The following EXOC6B variants were observed in gnomAD, a reference collection of about 807,000 sequenced individuals.
The protein encoded by EXOC6B is exocyst complex component 6B.
A neutral mutation model predicts 113.5 loss-of-function variants in EXOC6B; 54 were observed. The ratio of observed to expected loss-of-function variants is 0.48; its 90% CI spans 0.38 to 0.60. EXOC6B has a LOEUF of 0.60. EXOC6B is among the 20% of genes least tolerant of loss of function. The pLI, the probability that EXOC6B is intolerant of heterozygous loss-of-function variation, is 0.00. For missense variants in EXOC6B, 797 were observed against 977.5 expected (o/e 0.82, Z 2.46); for synonymous variants, 357 against 339.0 (o/e 1.05, Z -0.58).
chr2:72,544,092 A>T (rs149299111), intron 8 of EXOC6B, among the ~76,000 whole-genome samples: 22 of 152,374 alleles, frequency 1.4e-4, no homozygotes, highest in Admixed American at 4.6e-4. Flanking sequence ...GTGAAATAGC[A>T]GATGAATATT....
At chr2:72,735,631 C>A (rs933887328) in intron 2 of EXOC6B, among the ~76,000 whole-genome samples, 29 of 151,884 alleles carry the variant, frequency 1.9e-4, no homozygotes, top group Admixed American at 1.4e-3. Flanking sequence ...GCCTGGCCAA[C>A]ATGGTGAAAC....
rs146700904 is a variant in EXOC6B, at chr2:72,511,265, G to C, written c.1167+1867C>G. On this transcript the variant is annotated intron_variant, in intron 11 of 21. Transcript: ENST00000272427. ...AACTTGCTGCTTAGATGGCACAAAGGCATCACAAAGTAATCATTTCGAATG... is the reference window on the plus strand; with the variant it reads ...AACTTGCTGCTTAGATGGCACAAAGCCATCACAAAGTAATCATTTCGAATG... 1.3e-3 allele frequency among the ~76,000 whole-genome samples: 191 copies of C among 152,056 alleles called. 1 individual carries two copies. Among genetic ancestry groups the C allele is most frequent in the African/African-American group, 4.5e-3 (185 of 41,498 alleles).
chr2:72,715,749 G>A (rs1679572278), intron 6 of EXOC6B, among the ~76,000 whole-genome samples: 1 of 152,078 alleles, frequency 6.6e-6, no homozygotes. Flanking sequence ...ATTGTATATT[G>A]GGGGTGGGAG....
intron 8 of EXOC6B, 68 bp from the exon 9 acceptor site, chr2:72,515,194 G>C (rs1701152564): frequency 1.4e-6 from 2 of 1,420,360 alleles, no homozygotes; most frequent in Non-Finnish European, 1.9e-6. Context: ...CAAGGGAAAA[G>C]AGAAGGTCCC....
intron 20 of EXOC6B, among the ~76,000 whole-genome samples, chr2:72,325,095 C>T (rs974175510): frequency 1.3e-5 from 2 of 152,138 alleles, no homozygotes; most frequent in African/African-American, 2.4e-5. Context: ...GGAAAACAGG[C>T]TGTCCTTTCA....
intron 1 of EXOC6B, among the ~76,000 whole-genome samples, chr2:72,776,329 C>T (rs527763118): frequency 6.6e-6 from 1 of 152,090 alleles, no homozygotes; most frequent in East Asian, 1.9e-4. Flanking sequence ...AAAATGTTAA[C>T]CTTCTGGCCA....
At chr2:72,768,437 A>G (rs1683225963) in intron 1 of EXOC6B, among the ~76,000 whole-genome samples, 1 of 151,632 alleles carries the variant, frequency 6.6e-6, no homozygotes, top group Admixed American at 6.6e-5. Context: ...GATTACAGGC[A>G]TGCGCTACCA....
At chr2:72,609,789 T>C (rs1670965181) in intron 6 of EXOC6B, among the ~76,000 whole-genome samples, 1 of 152,024 alleles carries the variant, frequency 6.6e-6, no homozygotes, top group South Asian at 2.1e-4. Flanking sequence ...TAAAAACTAA[T>C]GCACATGCAC....
At chr2:72,370,831 G>T (rs1025631652) in intron 19 of EXOC6B, among the ~76,000 whole-genome samples, 4 of 148,844 alleles carry the variant, frequency 2.7e-5, no homozygotes, top group African/African-American at 1.0e-4. Context: ...TTGGACACAA[G>T]AAGGGGAACA....
intron 20 of EXOC6B, among the ~76,000 whole-genome samples, chr2:72,268,568 T>C (rs61450122): frequency 0.039 from 5,956 of 152,260 alleles, 142 homozygotes; most frequent in Non-Finnish European, 0.052. Context: ...TAAATACTAA[T>C]TGATATCGTT....
At chr2:72,628,344 G>C (rs1212777194) in intron 6 of EXOC6B, among the ~76,000 whole-genome samples, 1 of 151,972 alleles carries the variant, frequency 6.6e-6, no homozygotes, top group African/African-American at 2.4e-5. Context: ...GCTCATACTG[G>C]TCTCGAACTC....
At chr2:72,337,855 C>G (rs1226260801) in intron 19 of EXOC6B, among the ~76,000 whole-genome samples, 1 of 152,038 alleles carries the variant, frequency 6.6e-6, no homozygotes, top group Non-Finnish European at 1.5e-5. Flanking sequence ...GGATAAAGAC[C>G]ATTTCACAAA....
intron 6 of EXOC6B, among the ~76,000 whole-genome samples, chr2:72,612,733 T>C (rs1056008922): frequency 2.6e-4 from 40 of 152,218 alleles, no homozygotes; most frequent in African/African-American, 9.6e-4. Flanking sequence ...ACTAGCATCA[T>C]ACTACTGCTT....
chr2:72,513,062 A>C, intron 11 of EXOC6B, 70 bp downstream of exon 11: 3 of 1,549,632 alleles, frequency 1.9e-6, no homozygotes, highest in Non-Finnish European at 2.6e-6. Context: ...TGTTGATTTT[A>C]AAGCAGTAAA....
chr2:72,212,596 T>C (rs1224380852), intron 20 of EXOC6B, among the ~76,000 whole-genome samples: 3 of 152,168 alleles, frequency 2.0e-5, no homozygotes, highest in Admixed American at 2.0e-4. Context: ...ATGGAGGAAA[T>C]GGACCAAGAA....
At chr2:72,547,184 A>G (rs1305206236) in intron 8 of EXOC6B, among the ~76,000 whole-genome samples, 2 of 152,240 alleles carry the variant, frequency 1.3e-5, no homozygotes, top group Non-Finnish European at 2.9e-5. Flanking sequence ...AATTCACTGC[A>G]CAATGATATT....
At chr2:72,673,201 T>C (rs1204305680) in intron 6 of EXOC6B, among the ~76,000 whole-genome samples, 3 of 152,218 alleles carry the variant, frequency 2.0e-5, no homozygotes, top group Admixed American at 6.5e-5. Flanking sequence ...AGGCCTACAT[T>C]AGTATTTACC....
chr2:72,396,714 T>A (rs911866216), intron 18 of EXOC6B, among the ~76,000 whole-genome samples: 1 of 152,050 alleles, frequency 6.6e-6, no homozygotes, highest in Non-Finnish European at 1.5e-5. Context: ...TTTCCCTTAT[T>A]CCTAGTGACT....
chr2:72,682,947 T>C (rs889998963), intron 6 of EXOC6B, among the ~76,000 whole-genome samples: 2 of 152,206 alleles, frequency 1.3e-5, no homozygotes, highest in Non-Finnish European at 2.9e-5. Context: ...TGGAACAACA[T>C]TTAAAAGCCA....
Sources: gnomAD v4.1 joint callset for allele counts (sites outside exome capture counted in the v4.1 genomes callset) on GRCh38, gnomAD v4.1.1 for gene constraint, MANE v1.5 for transcripts, NCBI Gene and HGNC (gene_info 2026-07-23, HGNC 2026-07-21) for gene names.